The following TFDP1 variants were observed in gnomAD, a reference collection of about 807,000 sequenced individuals.
The protein encoded by TFDP1 is transcription factor Dp-1, also known as DRTF1-polypeptide 1.
A neutral mutation model predicts 48.0 loss-of-function variants in TFDP1; 6 were observed. That is an observed-to-expected ratio of 0.13 (90% CI 0.07 to 0.25). The LOEUF is 0.25. TFDP1 is among the 10% of genes least tolerant of loss of function. The probability of loss-of-function intolerance (pLI) is 1.00; values close to 1 mark genes in which losing one functional copy is unlikely to be tolerated. For missense variants in TFDP1, 335 were observed against 543.0 expected, an observed-to-expected ratio of 0.62 and a Z score of 3.81; for synonymous variants, 201 against 211.6, an observed-to-expected ratio of 0.95 and a Z score of 0.44.
chr13:113,591,784 G>T (rs1428289753), intron 2 of TFDP1, among the ~76,000 whole-genome samples: 1 of 152,212 alleles, frequency 6.6e-6, no homozygotes, highest in Admixed American at 6.5e-5. Context: ...ACTACGTGTG[G>T]GGATGGATCT....
intron 3 of TFDP1, among the ~76,000 whole-genome samples, chr13:113,613,742 G>C (rs111206037): frequency 2.0e-5 from 1 of 49,340 alleles, no homozygotes; most frequent in Non-Finnish European, 3.6e-5. Context: ...GAGTGTGTCT[G>C]TGTGTATGCG....
rs754743456 is a variant in TFDP1 at position 113,633,332 on chromosome 13, G to T, written c.474+47G>T. 1 of 1,438,460 alleles carries T rather than the reference G, an allele frequency of 7.0e-7. No individual in the cohort carries two copies. The highest frequency in any genetic ancestry group is 1.2e-5 in the South Asian group (1 of 84,430). 89.1% of individuals were successfully genotyped at this position (1,438,460 alleles called of 1,614,324 possible). ...AGAGGCTGGGGTGGCGGAGCCCAGC[G>T]GTGTGGTACGTTTCGCTCTTTTAAT... On this transcript the variant is annotated intron_variant, in intron 6 of 11. Transcript: ENST00000375370. This position sits in a 1 kb window ranked among gnomAD's most constrained non-coding sequence, Gnocchi z 4.5.
chr13:113,612,985 C>G lies in TFDP1; in HGVS notation c.79+1923C>G, dbSNP rs116781645. On this transcript the variant is annotated intron_variant, in intron 3 of 11. Transcript: ENST00000375370. Reference sequence around the variant, plus strand: ...GCTCCTGGACCTCCCCTGCCCTCACCTGGTGTTGATTCCACCGCACAGACG... The same window carrying G: ...GCTCCTGGACCTCCCCTGCCCTCACGTGGTGTTGATTCCACCGCACAGACG... Among the ~76,000 whole-genome samples, 860 of 151,088 alleles carry G rather than the reference C, an allele frequency of 5.7e-3. 7 individuals carry two copies. The highest frequency in any genetic ancestry group is 0.02 in the African/African-American group (833 of 40,750).
At chr13:113,590,227 T>C (rs2140270712) in intron 2 of TFDP1, among the ~76,000 whole-genome samples, 1 of 152,314 alleles carries the variant, frequency 6.6e-6, no homozygotes, top group East Asian at 1.9e-4. Flanking sequence ...AGCCGTTCTG[T>C]GGTGCCTGTT....
At chr13:113,624,183 G>A (rs2049063090) in intron 4 of TFDP1, among the ~76,000 whole-genome samples, 1 of 152,100 alleles carries the variant, frequency 6.6e-6, no homozygotes, top group Admixed American at 6.5e-5. Context: ...TTGCACCCCG[G>A]CCTCCTGGCC....
chr13:113,604,295 C>T (rs1205648820), intron 2 of TFDP1, among the ~76,000 whole-genome samples: 1 of 152,132 alleles, frequency 6.6e-6, no homozygotes, highest in African/African-American at 2.4e-5. Flanking sequence ...TCCTTACATG[C>T]TCAAGCTGGT....
intron 3 of TFDP1, among the ~76,000 whole-genome samples, chr13:113,622,350 G>A (rs2049015825): frequency 6.6e-6 from 1 of 152,200 alleles, no homozygotes; most frequent in Non-Finnish European, 1.5e-5. Context: ...GGTCCCTACA[G>A]TGGGGCACTG....
At chr13:113,611,299 A>G (rs2048703096) in intron 3 of TFDP1, among the ~76,000 whole-genome samples, 1 of 152,256 alleles carries the variant, frequency 6.6e-6, no homozygotes, top group Non-Finnish European at 1.5e-5. Context: ...TACTATTTGC[A>G]AAAGTTTAGA....
At chr13:113,632,187 T>C (rs2049355381) in intron 5 of TFDP1, among the ~76,000 whole-genome samples, 1 of 152,206 alleles carries the variant, frequency 6.6e-6, no homozygotes, top group Non-Finnish European at 1.5e-5. Context: ...CTCCTTCCAC[T>C]AAAGCAAGAT....
intron 3 of TFDP1, among the ~76,000 whole-genome samples, chr13:113,612,906 C>G (rs532018799): frequency 6.6e-6 from 1 of 152,280 alleles, no homozygotes; most frequent in Non-Finnish European, 1.5e-5. Context: ...GCCCCCAGAT[C>G]CCTCCCACAT....
At chr13:113,620,269 T>G (rs1198440719) in intron 3 of TFDP1, among the ~76,000 whole-genome samples, 3 of 152,194 alleles carry the variant, frequency 2.0e-5, no homozygotes, top group Non-Finnish European at 4.4e-5. Context: ...CACTCCCTGA[T>G]GGGGCAGGAA....
rs1267222420 is a variant in TFDP1 at position 113,593,776 on chromosome 13, C to G, written c.12+7927C>G. On this transcript the variant is annotated intron_variant, in intron 2 of 11. Transcript: ENST00000375370. ...CGGGTCCTCAGCCGTGCCCAGGTGA[C>G]AGGTGTGCTGTGCACGCGTCCTCAG... is the stretch of plus-strand genomic sequence containing the variant. 2.1e-5 allele frequency among the ~76,000 whole-genome samples: 3 copies of G among 141,238 alleles called. No individual in the cohort carries two copies. The East Asian group carries it at 6.8e-4, about 32-fold the overall frequency. 92.7% of individuals were successfully genotyped at this position (141,238 alleles called of 152,430 possible). A position where few individuals can be genotyped will look rare whatever the true frequency, so the allele number is the denominator to read the frequency against.
chr13:113,615,756 A>G lies in TFDP1; in HGVS notation c.79+4694A>G, dbSNP rs116958434. Among the ~76,000 whole-genome samples the G allele has an allele frequency of 6.2e-3, 947 of 152,310 alleles. 33 individuals carry two copies. In the East Asian group the frequency reaches 0.11, roughly 17 times the overall value. On this transcript the variant is annotated intron_variant, in intron 3 of 11. Transcript: ENST00000375370. ...CCATCTCTATAAAAAATTTTAAAAAAAAGTAGCCAAGCATGGTGGCGCATG... is the reference window on the plus strand; with the variant it reads ...CCATCTCTATAAAAAATTTTAAAAAGAAGTAGCCAAGCATGGTGGCGCATG...
chr13:113,591,579 C>T (rs2048148024), intron 2 of TFDP1, among the ~76,000 whole-genome samples: 2 of 152,176 alleles, frequency 1.3e-5, no homozygotes, highest in South Asian at 4.1e-4. Context: ...ATCAGGTGCT[C>T]TTTAGGGGAT....
At chr13:113,605,122 C>A (rs75492267) in intron 2 of TFDP1, among the ~76,000 whole-genome samples, 1 of 151,662 alleles carries the variant, frequency 6.6e-6, no homozygotes, top group Non-Finnish European at 1.5e-5. Context: ...TTAGTTCTTG[C>A]GACTCTTCCT....
intron 3 of TFDP1, among the ~76,000 whole-genome samples, chr13:113,616,714 C>T (rs1489526386): frequency 1.3e-5 from 2 of 152,120 alleles, no homozygotes; most frequent in Non-Finnish European, 2.9e-5. Flanking sequence ...TTACGTAATT[C>T]CTCACTCGTG....
chr13:113,618,791 C>T (rs751036437), intron 3 of TFDP1, among the ~76,000 whole-genome samples: 1 of 152,230 alleles, frequency 6.6e-6, no homozygotes, highest in Non-Finnish European at 1.5e-5. Context: ...ATTATAATGG[C>T]ATAGCATAAC....
intron 3 of TFDP1, among the ~76,000 whole-genome samples, chr13:113,619,873 C>T (rs551073619): frequency 6.6e-6 from 1 of 152,256 alleles, no homozygotes; most frequent in Non-Finnish European, 1.5e-5. Context: ...TTGGCAAGGC[C>T]TTGGGCTCCG....
At chr13:113,588,596 T>TA (rs1321028554) in intron 2 of TFDP1, among the ~76,000 whole-genome samples, 1 of 152,106 alleles carries the variant, frequency 6.6e-6, no homozygotes, top group Non-Finnish European at 1.5e-5. Context: ...GGCAAGGAGC[T>TA]ACACACGAGG....
Sources: gnomAD v4.1 joint callset for allele counts (sites outside exome capture counted in the v4.1 genomes callset) on GRCh38, gnomAD v4.1.1 for gene constraint, Gnocchi (gnomAD v3.1) non-coding constraint, MANE v1.5 for transcripts, NCBI Gene and HGNC (gene_info 2026-07-23, HGNC 2026-07-21) for gene names.